Variants in ZDHHC7 observed in about 807,000 individuals in gnomAD.
ZDHHC7 encodes the protein palmitoyltransferase ZDHHC7.
A neutral mutation model predicts 34.1 loss-of-function variants in ZDHHC7; 12 were observed. That is an observed-to-expected ratio of 0.35 (90% CI 0.23 to 0.57). The LOEUF is 0.57. Among genes scored for constraint, ZDHHC7 ranks in the 20% least tolerant of loss-of-function variants. The pLI is 0.84. For synonymous variants in ZDHHC7, 185 were observed against 155.4 expected, an observed-to-expected ratio of 1.19 and a Z score of -1.42; for missense variants, 388 against 402.7, an observed-to-expected ratio of 0.96 and a Z score of 0.31.
chr16:84,993,352 C>G (rs2072534689), intron 2 of ZDHHC7, among the ~76,000 whole-genome samples: 1 of 152,092 alleles, frequency 6.6e-6, no homozygotes, highest in Non-Finnish European at 1.5e-5. Context: ...ATGCTTAAGG[C>G]TGAGTGTGGT....
Position 84,990,535 on chromosome 16 carries a change from G to A in ZDHHC7, c.84C>T (p.Ser28=), listed in dbSNP as rs146264138. ...AENDNYDSSS[S]SSSEADVADR... is the part of the protein sequence containing the mutation. ...CAGCCACGTCAGCCTCGGAGGAGGA[G>A]GACGATGAAGAGTCATAGTTGTCAT... The change falls in exon 3 of 8, where the codon TCC becomes TCT. Residue 28 remains serine (S), a synonymous_variant. Coordinates refer to ENST00000313732, the MANE Select transcript of ZDHHC7 (RefSeq NM_017740.3). 1.2e-6 allele frequency: 2 copies of A among 1,614,176 alleles called. No individual in the cohort carries two copies. Among genetic ancestry groups the A allele is most frequent in the Non-Finnish European group, 1.7e-6 (2 of 1,180,036 alleles).
At chr16:84,989,684 A>C (rs2072482445) in intron 3 of ZDHHC7, among the ~76,000 whole-genome samples, 2 of 122,586 alleles carry the variant, frequency 1.6e-5, no homozygotes, top group Admixed American at 8.8e-5. Context: ...AAAAGAGCAA[A>C]ACTCCGTCTC....
At chr16:85,016,655 C>T in the ZDHHC7 span, among the ~76,000 whole-genome samples, 17 of 150,838 alleles carry the variant, frequency 1.1e-4, 1 homozygote, top group Admixed American at 7.3e-4. Flanking sequence ...AGGGTGATGG[C>T]CATGTTCTCA....
At position 84,975,642 on chromosome 16, in the gene ZDHHC7, T is replaced by TA. The variant is rs1480905655; in HGVS notation, c.*700dup. On this transcript the variant is annotated 3_prime_UTR_variant, in exon 8 of 8. Transcript: ENST00000313732. ...CCCTCTTCCCTGAAACGTCGGTTTC[T>TA]AAAAAATAGCTTGTTTGCTGTACAC... The TA allele has an allele frequency of 1.3e-5, 2 of 152,806 alleles. No homozygotes were observed. The highest frequency in any genetic ancestry group is 2.4e-5 in the African/African-American group (1 of 41,580). The allele number at this position is 152,806 out of a possible 1,614,324, so 9.5% of individuals were successfully genotyped here.
upstream of ZDHHC7, among the ~76,000 whole-genome samples, chr16:85,013,856 T>G (rs1029175616): frequency 1.3e-5 from 2 of 151,808 alleles, no homozygotes; most frequent in African/African-American, 4.8e-5. Flanking sequence ...CCTGGCTAAT[T>G]TTTGTATTTT....
intron 1 of ZDHHC7, among the ~76,000 whole-genome samples, 184 bp downstream of exon 1, chr16:85,011,102 G>A (rs1384978198): frequency 6.6e-6 from 1 of 152,252 alleles, no homozygotes; most frequent in Non-Finnish European, 1.5e-5. Context: ...TGACAAGGGG[G>A]CACCTGGAAG....
chr16:85,020,509 G>T, the ZDHHC7 span, among the ~76,000 whole-genome samples: 2 of 152,198 alleles, frequency 1.3e-5, no homozygotes, highest in South Asian at 4.1e-4. Context: ...CACATGCAGG[G>T]ATTCCTTTAG....
At chr16:85,021,239 T>C in the ZDHHC7 span, among the ~76,000 whole-genome samples, 2 of 151,346 alleles carry the variant, frequency 1.3e-5, no homozygotes, top group African/African-American at 2.4e-5. Flanking sequence ...TGGTAAAACC[T>C]TGTCTGTACT....
chr16:85,007,435 A>AT (rs2072732802), intron 1 of ZDHHC7, among the ~76,000 whole-genome samples: 1 of 151,592 alleles, frequency 6.6e-6, no homozygotes, highest in East Asian at 1.9e-4. Context: ...AAAAAAAAAA[A>AT]AAAAGAATGG....
At chr16:85,021,304 C>T in the ZDHHC7 span, among the ~76,000 whole-genome samples, 4 of 150,048 alleles carry the variant, frequency 2.7e-5, no homozygotes, top group African/African-American at 9.9e-5. Context: ...CCCAGCTATT[C>T]AGGAGGCTGA....
At position 84,978,655 on chromosome 16, in the gene ZDHHC7, G is replaced by A. The variant is rs532339939; in HGVS notation, c.537+534C>T. Among the ~76,000 whole-genome samples, 4 of 152,198 alleles carry A rather than the reference G, an allele frequency of 2.6e-5. No homozygotes were observed. The South Asian group carries it at 6.2e-4, about 24-fold the overall frequency. ...AGGTGGGCGGATCGCCTGAGGTCGG[G>A]AGTTCAAGACCAGCCCAACCAATAT... On this transcript the variant is annotated intron_variant, in intron 5 of 7. Transcript: ENST00000313732.
chr16:84,987,254 A>C (rs912917012), intron 3 of ZDHHC7, among the ~76,000 whole-genome samples: 2 of 152,376 alleles, frequency 1.3e-5, no homozygotes, highest in Admixed American at 1.3e-4. Context: ...TCAAGCAGAC[A>C]TGCTTCCAAA....
chr16:85,017,940 G>A, the ZDHHC7 span, among the ~76,000 whole-genome samples: 27 of 152,180 alleles, frequency 1.8e-4, no homozygotes, highest in Non-Finnish European at 3.5e-4. Context: ...GGGAAAAGGT[G>A]GAGATTTCTT....
the ZDHHC7 span, among the ~76,000 whole-genome samples, chr16:85,016,546 C>A: frequency 6.6e-6 from 1 of 152,096 alleles, no homozygotes; most frequent in Non-Finnish European, 1.5e-5. Flanking sequence ...GCCTCGAACT[C>A]CTTGGCTCAA....
rs767090599 is a variant in ZDHHC7 at position 84,981,936 on chromosome 16, G to A, written c.374C>T (p.Pro125Leu). The stretch of plus-strand genomic sequence containing the variant: ...GGGGCACTTGTAGATGACTTCCCCG[G>A]GCTTCAGCTGCAAGCTCTCCATGTA... ...KEYMESLQLK[P>L]GEVIYKCPKC... The change falls in exon 4 of 8, where the codon CCC (proline) becomes CTC (leucine). Residue 125 changes from proline to leucine, a missense_variant. Pro to Leu is a moderately conservative substitution (Grantham distance 98, BLOSUM62 -3). Coordinates refer to ENST00000313732, the MANE Select transcript of ZDHHC7 (RefSeq NM_017740.3). 3.1e-6 allele frequency: 5 copies of A among 1,614,188 alleles called. No individual in the cohort carries two copies. Among genetic ancestry groups the A allele is most frequent in the Admixed American group, 1.7e-5 (1 of 60,026 alleles).
intron 3 of ZDHHC7, 114 bp from the exon 4 acceptor site, chr16:84,982,108 G>C: frequency 7.1e-7 from 1 of 1,399,038 alleles, no homozygotes; most frequent in South Asian, 1.2e-5. Flanking sequence ...GAGGCGGGTG[G>C]ATCACGGGGT....
chr16:84,990,936 G>A (rs1597546280), intron 2 of ZDHHC7, among the ~76,000 whole-genome samples: 2 of 152,176 alleles, frequency 1.3e-5, no homozygotes, highest in African/African-American at 2.4e-5. Flanking sequence ...CGAAGTCCCA[G>A]CACTGGGTTC....
upstream of ZDHHC7, among the ~76,000 whole-genome samples, chr16:85,013,617 A>G (rs997702493): frequency 5.9e-5 from 9 of 152,114 alleles, no homozygotes; most frequent in Admixed American, 3.9e-4. Flanking sequence ...CTCTTTCCCA[A>G]GTTTCTCTTA....
intron 1 of ZDHHC7, among the ~76,000 whole-genome samples, chr16:84,999,841 T>C (rs2072630663): frequency 6.6e-6 from 1 of 152,110 alleles, no homozygotes; most frequent in South Asian, 2.1e-4. Context: ...AAAAGCCCAA[T>C]AGACTATACA....
Sources: gnomAD v4.1 joint callset for allele counts (sites outside exome capture counted in the v4.1 genomes callset) on GRCh38, gnomAD v4.1.1 for gene constraint, MANE v1.5 for transcripts, NCBI Gene and HGNC (gene_info 2026-07-23, HGNC 2026-07-21) for gene names.